RTBDN: variants seen among roughly 807,000 people sequenced by gnomAD.
RTBDN encodes the protein retbindin.
A neutral mutation model predicts 21.9 loss-of-function variants in RTBDN; 24 were observed. The observed-to-expected ratio is 1.10, with a 90% CI of 0.79 to 1.54. The LOEUF is 1.54. Among genes scored for constraint, RTBDN ranks in the 40% most tolerant of loss-of-function variants. The pLI, the probability that RTBDN is intolerant of heterozygous loss-of-function variation, is 0.00. For missense variants in RTBDN, 325 were observed against 315.2 expected (o/e 1.03, Z -0.23); for synonymous variants, 141 against 125.9 (o/e 1.12, Z -0.80).
At chr19:12,829,071 A>C in intron 2 of RTBDN, 118 bp from the exon 3 acceptor site, 2 of 1,491,100 alleles carry the variant, frequency 1.3e-6, no homozygotes, top group Non-Finnish European at 1.8e-6. Flanking sequence ...TCACAAACCC[A>C]TAACTTAAGA....
rs904850275 is a variant in RTBDN, at chr19:12,830,587, C to T, written c.-18-590G>A. 1.8e-5 allele frequency: 18 copies of T among 985,546 alleles called. No individual in the cohort carries two copies. The highest frequency in any genetic ancestry group is 5.2e-4 in the Middle Eastern group (1 of 1,916). The allele number at this position is 985,546 out of a possible 1,614,324, so 61.1% of individuals were successfully genotyped here. A position where few individuals can be genotyped will look rare whatever the true frequency, so the allele number is the denominator to read the frequency against. On this transcript the variant is annotated intron_variant, in intron 1 of 5. Coordinates refer to ENST00000674343, the MANE Select transcript of RTBDN (RefSeq NM_001270441.2). The surrounding 1 kb of genome is among the most constrained non-coding windows in gnomAD (Gnocchi z 4.2). ...TGTGGAGACAAGACTGTCCCCTTCCCGCCTCCCCGCATTCAGCCCCTCACC... is the reference window on the plus strand; with the variant it reads ...TGTGGAGACAAGACTGTCCCCTTCCTGCCTCCCCGCATTCAGCCCCTCACC...
In RTBDN at chr19:12,825,917, G is replaced by T. The variant is rs1969276301; in HGVS notation, c.479C>A (p.Thr160Lys). The T allele has an allele frequency of 6.3e-7, 1 of 1,595,120 alleles. No homozygotes were observed. The highest frequency in any genetic ancestry group is 1.3e-5 in the African/African-American group (1 of 74,422). ...LTYGQTFADG[T>K]DLCRSALGHA... ...GCCCAGAGCCGAGCGACAAAGGTCC[G>T]TCCCGTCTGCGAAGGTCTAGGAAAA... Residue 160 changes from threonine to lysine, a missense_variant, in exon 6 of 6, where the codon ACG (threonine) becomes AAG (lysine). Physicochemically the swap from Thr to Lys is moderately conservative, Grantham distance 78. Coordinates refer to ENST00000674343, the MANE Select transcript of RTBDN (RefSeq NM_001270441.2).
At chr19:12,832,263 A>T (rs983890417) in intron 1 of RTBDN, among the ~76,000 whole-genome samples, 1 of 152,122 alleles carries the variant, frequency 6.6e-6, no homozygotes, top group African/African-American at 2.4e-5. Flanking sequence ...TTATTGCTGT[A>T]TTCCCTCCCA....
At chr19:12,826,637 C>T (rs1443217473) in intron 5 of RTBDN, 138 bp downstream of exon 5, 10 of 732,376 alleles carry the variant, frequency 1.4e-5, no homozygotes, top group Non-Finnish European at 2.0e-5. Context: ...GAGGTTGCAT[C>T]GAGCTGAGAT....
Position 12,829,884 on chromosome 19 carries a change from G to T in RTBDN, c.96C>A (p.Arg32=). The change falls in exon 2 of 6, where the codon CGC becomes CGA. Residue 32 remains arginine, a synonymous_variant. Transcript: ENST00000674343. ...GTTGCTGGGACCTGGCTTGGAGTGG[G>T]CGGCTCCCTCCACAGGCTTCTAGCA... ...WILLEACGGS[R]PLQARSQQHH... is the part of the protein sequence containing the mutation. 6.2e-7 allele frequency: 1 copy of T among 1,614,182 alleles called. No homozygotes were observed. The highest frequency in any genetic ancestry group is 2.2e-5 in the East Asian group (1 of 44,884).
At chr19:12,826,130 G>T in intron 5 of RTBDN, 197 bp from the exon 6 acceptor site, 1 of 1,392,602 alleles carries the variant, frequency 7.2e-7, no homozygotes, top group Middle Eastern at 2.2e-4. Context: ...GCCCTAGCGG[G>T]ATGAATCAGG....
At chr19:12,831,948 G>T (rs1282342761) in intron 1 of RTBDN, among the ~76,000 whole-genome samples, 3 of 152,174 alleles carry the variant, frequency 2.0e-5, no homozygotes, top group African/African-American at 7.2e-5. Context: ...GTGTTTATAT[G>T]TGTTGTTTGT....
intron 4 of RTBDN, among the ~76,000 whole-genome samples, chr19:12,827,985 AG>A (rs1969381851): frequency 1.3e-5 from 2 of 150,158 alleles, no homozygotes; most frequent in Admixed American, 1.3e-4. Flanking sequence ...CTCAGCTACT[AG>A]GGATGCTGAG....
chr19:12,831,080 G>T (rs562202824), intron 1 of RTBDN, among the ~76,000 whole-genome samples: 1 of 151,472 alleles, frequency 6.6e-6, no homozygotes, highest in Non-Finnish European at 1.5e-5. Context: ...TCTGGGGGAG[G>T]ATTGTGTGTC....
Position 12,825,750 on chromosome 19 carries a change from C to T in RTBDN, c.646G>A (p.Ala216Thr), listed in dbSNP as rs552362874. 2.3e-5 allele frequency: 37 copies of T among 1,604,810 alleles called. No individual in the cohort carries two copies. The South Asian group carries it at 2.7e-4, about 12-fold the overall frequency. The change falls in exon 6 of 6, where the codon GCT becomes ACT. Residue 216 changes from alanine to threonine, a missense_variant. Transcript: ENST00000674343. ...CCACTGCCACTCCCGCTGCCCGCAG[C>T]GTCCAGGATGGAGGTGCGAGGGCTG... ...SRSPRTSILDAAGSGSGSGSG... is the reference protein window; with the variant it reads ...SRSPRTSILDTAGSGSGSGSG...
Position 12,826,806 on chromosome 19 carries a change from C to T in RTBDN, c.431G>A (p.Gly144Asp). The change falls in exon 5 of 6, where the codon GGC becomes GAC. Residue 144 changes from glycine (G) to aspartate (D), a missense_variant. Transcript: ENST00000674343. ...ATAGGTAAGGCAGCTGGGCTCACAG[C>T]CCCTTTTTTCTGAGAGTGGGAGCCA... is the stretch of plus-strand genomic sequence containing the variant. ...PTWLPLSEKR[G>D]CEPSCLTYGQ... 2 of 1,555,034 alleles carry T rather than the reference C, an allele frequency of 1.3e-6. No individual in the cohort carries two copies. The highest frequency in any genetic ancestry group is 1.7e-6 in the Non-Finnish European group (2 of 1,149,452).
chr19:12,828,260 G>A (rs1052744059), intron 4 of RTBDN, among the ~76,000 whole-genome samples: 2 of 152,030 alleles, frequency 1.3e-5, no homozygotes, highest in East Asian at 1.9e-4. Context: ...GCCGGGCATG[G>A]TGGTGTGCGC....
At chr19:12,828,839 C>T (rs769389562) in intron 3 of RTBDN, 30 bp downstream of exon 3, 25 of 1,613,988 alleles carry the variant, frequency 1.5e-5, no homozygotes, top group East Asian at 8.9e-5. Flanking sequence ...GCAAAGTACG[C>T]GAGAAAACGG....
chr19:12,834,858 G>A (rs974604701), upstream of RTBDN: 5 of 1,614,120 alleles, frequency 3.1e-6, no homozygotes, highest in Non-Finnish European at 3.4e-6. This position sits in a 1 kb window ranked among gnomAD's most constrained non-coding sequence, Gnocchi z 4.7. Flanking sequence ...TGAGGGGTTA[G>A]TACGGAAGTT....
chr19:12,829,043 C>A lies in RTBDN; in HGVS notation c.170-90G>T, dbSNP rs1429265682. ...CTGGGGATCCCCTGGACAGGGGAGA[C>A]AACAATTACATCAATCCTCACAAAC... On this transcript the variant is annotated intron_variant, in intron 2 of 5. Coordinates refer to ENST00000674343, the MANE Select transcript of RTBDN (RefSeq NM_001270441.2). 1.1e-5 allele frequency: 17 copies of A among 1,562,042 alleles called. No homozygotes were observed. The East Asian group carries it at 3.5e-4, about 32-fold the overall frequency.
At chr19:12,828,354 C>T (rs1467807668) in intron 4 of RTBDN, among the ~76,000 whole-genome samples, 1 of 151,324 alleles carries the variant, frequency 6.6e-6, no homozygotes, top group Non-Finnish European at 1.5e-5. Context: ...CGAGATTGCA[C>T]CACTGCACTC....
At chr19:12,833,227 TCTC>T (rs1969640099) in intron 1 of RTBDN, among the ~76,000 whole-genome samples, 1 of 151,986 alleles carries the variant, frequency 6.6e-6, no homozygotes, top group African/African-American at 2.4e-5. Context: ...TGAAGACGGG[TCTC>T]CTCAGTGAAA....
rs1332735291 is a variant in RTBDN, at chr19:12,828,714, A to C, written c.308T>G (p.Leu103Arg). ...TGCCTGGCGTACCCCCAATAGCCGC[A>C]GGCGGAAGCGACTGCGAAGGGCACG... Reference protein sequence around the residue: ...LQRALRSRFRLRLLGVRQAQP... With the variant: ...LQRALRSRFRRRLLGVRQAQP... Residue 103 changes from leucine (L) to arginine (R), a missense_variant, in exon 4 of 6, where the codon CTG becomes CGG. Coordinates refer to ENST00000674343, the MANE Select transcript of RTBDN (RefSeq NM_001270441.2). 1 of 1,614,204 alleles carries C rather than the reference A, an allele frequency of 6.2e-7. No individual in the cohort carries two copies. Among genetic ancestry groups the C allele is most frequent in the Non-Finnish European group, 8.5e-7 (1 of 1,180,016 alleles).
chr19:12,832,799 C>T (rs1216564486), intron 1 of RTBDN: 1 of 151,904 alleles, frequency 6.6e-6, no homozygotes, highest in Non-Finnish European at 1.5e-5. Flanking sequence ...CTCGCCGTCG[C>T]CCCCGTCGTC....
Sources: allele counts gnomAD v4.1 joint callset (sites outside exome capture counted in the v4.1 genomes callset), GRCh38; gene constraint gnomAD v4.1.1; non-coding constraint Gnocchi (gnomAD v3.1); transcripts MANE v1.5; gene names NCBI Gene and HGNC (gene_info 2026-07-23, HGNC 2026-07-21).